The following SORCS2 variants were observed in gnomAD, a reference collection of about 807,000 sequenced individuals.
The protein encoded by SORCS2 is VPS10 domain-containing receptor SorCS2.
SORCS2 carries 100 observed loss-of-function variants against 141.6 expected under a neutral mutation model. The observed-to-expected ratio is 0.71, with a 90% CI of 0.60 to 0.83. The LOEUF (loss-of-function observed/expected upper bound fraction) is 0.83. SORCS2 is among the 40% of genes least tolerant of loss of function. The pLI, the probability that SORCS2 is intolerant of heterozygous loss-of-function variation, is 0.00. For missense variants in SORCS2, 1,646 were observed against 1,560.2 expected (o/e 1.05, Z -0.93); for synonymous variants, 789 against 676.9 (o/e 1.17, Z -2.57).
At chr4:7,236,635 G>A (rs901872125) in intron 1 of SORCS2, among the ~76,000 whole-genome samples, 1 of 152,226 alleles carries the variant, frequency 6.6e-6, no homozygotes, top group Non-Finnish European at 1.5e-5. Context: ...AGGCTGGAGT[G>A]CAGTGGCACA....
chr4:7,203,042 C>T lies in SORCS2; in HGVS notation c.480+9916C>T, dbSNP rs186050704. 3.9e-5 allele frequency among the ~76,000 whole-genome samples: 6 copies of T among 152,294 alleles called. 1 individual carries two copies. Among genetic ancestry groups the T allele is most frequent in the Middle Eastern group, 6.8e-3 (2 of 294 alleles). On this transcript the variant is annotated intron_variant, in intron 1 of 26. Transcript: ENST00000507866. The stretch of plus-strand genomic sequence containing the variant: ...TTTTGCAGCAATGGAAAATAAGGTT[C>T]GGTGTGGCAGGAGGACTTGCCCCCA...
chr4:7,499,461 A>G (rs1166386693), intron 2 of SORCS2, among the ~76,000 whole-genome samples: 1 of 152,094 alleles, frequency 6.6e-6, no homozygotes. Context: ...GGCACCAGTG[A>G]GGAAGTGGGC....
chr4:7,564,346 T>G (rs142717634), intron 3 of SORCS2, among the ~76,000 whole-genome samples: 1 of 152,282 alleles, frequency 6.6e-6, no homozygotes, highest in African/African-American at 2.4e-5. Flanking sequence ...TCCCTGCCCT[T>G]CCTCTCCGGA....
At chr4:7,527,898 G>A (rs1340535544) in intron 2 of SORCS2, among the ~76,000 whole-genome samples, 1 of 152,144 alleles carries the variant, frequency 6.6e-6, no homozygotes, top group African/African-American at 2.4e-5. Context: ...GGGCAGCCTG[G>A]GGGGCTGAGG....
At chr4:7,385,738 C>T (rs898523598) in intron 1 of SORCS2, among the ~76,000 whole-genome samples, 2 of 152,182 alleles carry the variant, frequency 1.3e-5, no homozygotes, top group African/African-American at 4.8e-5. Context: ...GCTCCTGCCT[C>T]GGGGGTATAA....
chr4:7,487,144 T>A (rs765348179), intron 2 of SORCS2, among the ~76,000 whole-genome samples: 4 of 152,210 alleles, frequency 2.6e-5, no homozygotes, highest in African/African-American at 9.6e-5. Context: ...TCACCCTCCA[T>A]GTGCGTGCTC....
chr4:7,733,187 T>A, intron 23 of SORCS2, 135 bp from the exon 24 acceptor site: 12 of 39,842 alleles, frequency 3.0e-4, no homozygotes, highest in Middle Eastern at 0.02. Flanking sequence ...ACCCCTTCAC[T>A]CTCCTCCTGG....
At chr4:7,691,848 AG>A (rs1724276689) in intron 11 of SORCS2, among the ~76,000 whole-genome samples, 1 of 152,030 alleles carries the variant, frequency 6.6e-6, no homozygotes, top group South Asian at 2.1e-4. Context: ...CACTGCTCAA[AG>A]GCCCTGAGAG....
intron 3 of SORCS2, among the ~76,000 whole-genome samples, chr4:7,554,546 G>GT (rs200158298): frequency 0.02 from 3,116 of 152,224 alleles, 105 homozygotes; most frequent in African/African-American, 0.072. Context: ...AGGATATTAA[G>GT]TCCCCCCATA....
intron 1 of SORCS2, among the ~76,000 whole-genome samples, chr4:7,262,609 T>C (rs1295147497): frequency 6.6e-6 from 1 of 152,152 alleles, no homozygotes; most frequent in Non-Finnish European, 1.5e-5. Flanking sequence ...TAGGGAAATA[T>C]ATACAAGATG....
Position 7,201,023 on chromosome 4 carries a change from C to T in SORCS2, c.480+7897C>T, listed in dbSNP as rs1481617882. On this transcript the variant is annotated intron_variant, in intron 1 of 26. Transcript: ENST00000507866. The surrounding 1 kb of genome is among the most constrained non-coding windows in gnomAD (Gnocchi z 4.4). ...CTGAGGATTCAGTGAGGGGCCAAGT[C>T]AAACTTGGCCCCTGCGCGGGTGAAA... is the stretch of plus-strand genomic sequence containing the variant. Among the ~76,000 whole-genome samples the T allele has an allele frequency of 6.6e-6, 1 of 152,284 alleles. No homozygotes were observed. Among genetic ancestry groups the T allele is most frequent in the South Asian group, 2.1e-4 (1 of 4,822 alleles).
intron 17 of SORCS2, among the ~76,000 whole-genome samples, chr4:7,717,691 A>C (rs982627923): frequency 6.6e-6 from 1 of 151,816 alleles, no homozygotes; most frequent in Non-Finnish European, 1.5e-5. Flanking sequence ...GGCTGCTTAA[A>C]CAGCCCCTCT....
intron 3 of SORCS2, among the ~76,000 whole-genome samples, chr4:7,559,795 T>C (rs909018445): frequency 2.6e-5 from 4 of 152,222 alleles, no homozygotes; most frequent in Non-Finnish European, 5.9e-5. Context: ...CAAACGGCTC[T>C]CCACAAGGGC....
At chr4:7,281,260 C>A (rs530588750) in intron 1 of SORCS2, among the ~76,000 whole-genome samples, 104 of 152,160 alleles carry the variant, frequency 6.8e-4, no homozygotes, top group African/African-American at 2.5e-3. Flanking sequence ...GCTGTTTCAG[C>A]GAGAAATCAT....
chr4:7,512,577 C>A (rs1167305299), intron 2 of SORCS2, among the ~76,000 whole-genome samples: 1 of 152,116 alleles, frequency 6.6e-6, no homozygotes, highest in Non-Finnish European at 1.5e-5. Flanking sequence ...CTCCCCCAAC[C>A]TCAGGCCCCC....
intron 3 of SORCS2, among the ~76,000 whole-genome samples, chr4:7,585,120 G>A (rs577710740): frequency 2.0e-5 from 3 of 152,302 alleles, no homozygotes; most frequent in African/African-American, 7.2e-5. Context: ...AAAGATCTGA[G>A]ACAAGCATAT....
chr4:7,386,584 A>G (rs1723349310), intron 1 of SORCS2, among the ~76,000 whole-genome samples: 1 of 122,930 alleles, frequency 8.1e-6, no homozygotes, highest in South Asian at 2.6e-4. Context: ...ATGCACACAC[A>G]TACACATTTG....
intron 1 of SORCS2, among the ~76,000 whole-genome samples, chr4:7,220,494 C>T (rs960217366): frequency 4.6e-5 from 7 of 151,830 alleles, no homozygotes; most frequent in African/African-American, 7.3e-5. Context: ...ATTCCTGATG[C>T]CAAGCAGGGC....
chr4:7,486,896 A>G (rs1731023229), intron 2 of SORCS2, among the ~76,000 whole-genome samples: 1 of 152,198 alleles, frequency 6.6e-6, no homozygotes, highest in Non-Finnish European at 1.5e-5. Context: ...ACTTAATTAC[A>G]TCTGCTAAGA....
Sources: allele counts gnomAD v4.1 joint callset (sites outside exome capture counted in the v4.1 genomes callset), GRCh38; gene constraint gnomAD v4.1.1; non-coding constraint Gnocchi (gnomAD v3.1); transcripts MANE v1.5; gene names NCBI Gene and HGNC (gene_info 2026-07-23, HGNC 2026-07-21).